PDE1A: variants seen among roughly 807,000 people sequenced by gnomAD.
The protein encoded by PDE1A is phosphodiesterase 1A, also known as dual specificity calcium/calmodulin-dependent 3',5'-cyclic nucleotide phosphodiesterase 1A.
In PDE1A, 35 loss-of-function variants were observed where a neutral mutation model predicts 61.7. The ratio of observed to expected loss-of-function variants is 0.57; its 90% CI spans 0.43 to 0.75. The LOEUF (loss-of-function observed/expected upper bound fraction) is 0.75, where lower values mean the gene tolerates loss of function less well. PDE1A is among the 30% of genes least tolerant of loss of function. The pLI, the probability that PDE1A is intolerant of heterozygous loss-of-function variation, is 0.00. For missense variants in PDE1A, 597 were observed against 630.6 expected, an observed-to-expected ratio of 0.95 and a Z score of 0.57; for synonymous variants, 232 against 213.2, an observed-to-expected ratio of 1.09 and a Z score of -0.77.
chr2:182,167,861 C>T (rs955026634), downstream of PDE1A: 16 of 1,001,344 alleles, frequency 1.6e-5, no homozygotes, highest in Middle Eastern at 4.8e-4. Flanking sequence ...ACATTTTTGA[C>T]GTTTAGAAAA....
At chr2:182,686,272 T>C in the PDE1A span, among the ~76,000 whole-genome samples, 5 of 152,222 alleles carry the variant, frequency 3.3e-5, no homozygotes, top group Admixed American at 3.3e-4. Flanking sequence ...CTTATATGAA[T>C]AGATTTCCTA....
Position 182,264,286 on chromosome 2 carries a change from A to G in PDE1A, c.167+15T>C, listed in dbSNP as rs772808039. 4.4e-5 allele frequency: 66 copies of G among 1,513,452 alleles called. No individual in the cohort carries two copies. Among genetic ancestry groups the G allele is most frequent in the Middle Eastern group, 1.7e-4 (1 of 5,830 alleles). 93.8% of individuals were successfully genotyped at this position (1,513,452 alleles called of 1,614,324 possible). A position where few individuals can be genotyped will look rare whatever the true frequency, so the allele number is the denominator to read the frequency against. On this transcript the variant is annotated intron_variant, in intron 2 of 13. Transcript: ENST00000351439. ...AGAATCAAAGAAGATAAAAGAGAAG[A>G]AGGTTAAAACTTACCTTGTTTCATC... is the stretch of plus-strand genomic sequence containing the variant.
intron 1 of PDE1A, among the ~76,000 whole-genome samples, chr2:182,358,815 T>C (rs1699343872): frequency 6.6e-6 from 1 of 152,130 alleles, no homozygotes; most frequent in African/African-American, 2.4e-5. Flanking sequence ...GAGAGGCAAG[T>C]TAAGTAATTT....
exon 14 of PDE1A, chr2:182,168,170 G>A (rs1691772537): frequency 1.9e-6 from 3 of 1,543,130 alleles, no homozygotes; most frequent in East Asian, 4.6e-5. Context: ...TAGATTTCCA[G>A]CAAGCATAAT....
At chr2:182,493,505 C>A (rs746348282) in intron 2 of PDE1A, among the ~76,000 whole-genome samples, 5 of 152,112 alleles carry the variant, frequency 3.3e-5, no homozygotes, top group African/African-American at 4.8e-5. Context: ...TTGTTCAATT[C>A]CCACCTATGA....
rs554564491 is a variant in PDE1A at position 182,496,769 on chromosome 2, T to C, written c.101+25507A>G. Among the ~76,000 whole-genome samples the C allele has an allele frequency of 3.3e-5, 5 of 152,362 alleles. No homozygotes were observed. The South Asian group carries it at 1.0e-3, about 32-fold the overall frequency. The stretch of plus-strand genomic sequence containing the variant: ...GGCAGCGGACTGATAGCAGCAGTAG[T>C]GATGGCAGCCCAGAGGCAGTAGCTT... On this transcript the variant is annotated intron_variant, in intron 2 of 14. Coordinates refer to the PDE1A transcript ENST00000410103.
At chr2:182,399,575 T>C (rs1177384988) in intron 1 of PDE1A, among the ~76,000 whole-genome samples, 2 of 152,134 alleles carry the variant, frequency 1.3e-5, no homozygotes, top group Non-Finnish European at 2.9e-5. Context: ...ATTGTAATAG[T>C]ATATGTATCC....
chr2:182,260,668 G>A (rs1366996464), intron 2 of PDE1A, among the ~76,000 whole-genome samples: 1 of 152,112 alleles, frequency 6.6e-6, no homozygotes, highest in Non-Finnish European at 1.5e-5. Flanking sequence ...TTTTTCATGG[G>A]TGTGGATACT....
At chr2:182,182,822 A>G (rs1405529583) in intron 13 of PDE1A, among the ~76,000 whole-genome samples, 1 of 151,428 alleles carries the variant, frequency 6.6e-6, no homozygotes, top group Admixed American at 6.6e-5. Context: ...CCTCTCCATC[A>G]TTCTCTTTCT....
chr2:182,192,197 A>G (rs1014518285), intron 10 of PDE1A, among the ~76,000 whole-genome samples: 2 of 152,116 alleles, frequency 1.3e-5, no homozygotes, highest in African/African-American at 2.4e-5. Flanking sequence ...GAATGGCAAC[A>G]TATTTCCTAT....
At chr2:182,442,563 ATATT>A (rs548665595) in intron 2 of PDE1A, among the ~76,000 whole-genome samples, 37 of 152,212 alleles carry the variant, frequency 2.4e-4, no homozygotes, top group African/African-American at 7.5e-4. Flanking sequence ...TGTGTAATAC[ATATT>A]TAATTTTATT....
At chr2:182,480,689 T>C (rs1027594776) in intron 2 of PDE1A, among the ~76,000 whole-genome samples, 1 of 151,944 alleles carries the variant, frequency 6.6e-6, no homozygotes, top group South Asian at 2.1e-4. Flanking sequence ...GCAAATACTA[T>C]GACACTTTAT....
intron 13 of PDE1A, among the ~76,000 whole-genome samples, chr2:182,174,037 CAT>C (rs1692494782): frequency 6.6e-6 from 1 of 151,962 alleles, no homozygotes; most frequent in Admixed American, 6.6e-5. Context: ...CAAATAAAAA[CAT>C]GTGCTCAGAA....
At chr2:182,687,649 C>A in the PDE1A span, among the ~76,000 whole-genome samples, 1 of 152,180 alleles carries the variant, frequency 6.6e-6, no homozygotes, top group Non-Finnish European at 1.5e-5. Flanking sequence ...AGGAACGCAG[C>A]TCCTCACCAG....
At chr2:182,402,032 A>G (rs1702029005) in intron 1 of PDE1A, among the ~76,000 whole-genome samples, 1 of 152,216 alleles carries the variant, frequency 6.6e-6, no homozygotes, top group Non-Finnish European at 1.5e-5. Flanking sequence ...GAAGACACAA[A>G]CAAATGGATA....
the PDE1A span, among the ~76,000 whole-genome samples, chr2:182,670,858 T>C: frequency 0.066 from 9,981 of 152,096 alleles, 1,046 homozygotes; most frequent in African/African-American, 0.23. Context: ...TGCTCTGTCG[T>C]CCTGGCTGGA....
chr2:182,308,514 G>A (rs973067764), intron 1 of PDE1A, among the ~76,000 whole-genome samples: 28 of 152,042 alleles, frequency 1.8e-4, no homozygotes, highest in African/African-American at 6.8e-4. Flanking sequence ...AAATCCATAT[G>A]TGGATCATGT....
rs145357265 is a variant in PDE1A at position 182,409,364 on chromosome 2, C to G, written c.53+17214G>C. 1.7e-3 allele frequency among the ~76,000 whole-genome samples: 260 copies of G among 152,166 alleles called. 1 individual carries two copies. The highest frequency in any genetic ancestry group is 5.2e-3 in the Admixed American group (80 of 15,276). On this transcript the variant is annotated intron_variant, in intron 1 of 13. Transcript: ENST00000351439. ...GATAACCAATTAAATAAGGCCCAAG[C>G]CTTTAAAGGAAATTTAATGTTATTT...
At chr2:182,429,153 T>C (rs557529244), upstream of PDE1A, among the ~76,000 whole-genome samples, 245 of 152,230 alleles carry the variant, frequency 1.6e-3, no homozygotes, top group Middle Eastern at 3.4e-3. Context: ...CTATAAAGCA[T>C]TCAGATGATA....
Sources: allele counts gnomAD v4.1 joint callset (sites outside exome capture counted in the v4.1 genomes callset), GRCh38; gene constraint gnomAD v4.1.1; transcripts MANE v1.5; gene names NCBI Gene and HGNC (gene_info 2026-07-23, HGNC 2026-07-21).